DDX10: variants seen among roughly 807,000 people sequenced by gnomAD.
DDX10 encodes the protein probable ATP-dependent RNA helicase DDX10.
DDX10 carries 74 observed loss-of-function variants against 104.3 expected under a neutral mutation model. The ratio of observed to expected loss-of-function variants is 0.71; its 90% CI spans 0.59 to 0.86. The LOEUF is 0.86. DDX10 is among the 40% of genes least tolerant of loss of function. The pLI is 0.00. For synonymous variants in DDX10, 351 were observed against 353.4 expected, an observed-to-expected ratio of 0.99 and a Z score of 0.08; for missense variants, 952 against 1,040.0, an observed-to-expected ratio of 0.92 and a Z score of 1.16.
chr11:108,693,996 C>T (rs902652848), intron 9 of DDX10, among the ~76,000 whole-genome samples: 1 of 152,024 alleles, frequency 6.6e-6, no homozygotes, highest in Non-Finnish European at 1.5e-5. Flanking sequence ...TTTTTTCAGT[C>T]TAGTAACTGA....
At chr11:108,877,720 A>G (rs746288577) in intron 16 of DDX10, among the ~76,000 whole-genome samples, 37 of 152,310 alleles carry the variant, frequency 2.4e-4, no homozygotes, top group Middle Eastern at 6.8e-3. Flanking sequence ...AGACTTCACT[A>G]TGGGAATCCT....
chr11:108,910,040 C>T (rs185198820), intron 16 of DDX10, among the ~76,000 whole-genome samples: 25 of 145,744 alleles, frequency 1.7e-4, no homozygotes, highest in Middle Eastern at 3.6e-3. Flanking sequence ...AGAATACTTG[C>T]AGGAAGACGT....
intron 13 of DDX10, among the ~76,000 whole-genome samples, chr11:108,736,362 CTGTT>C (rs773468660): frequency 6.6e-6 from 1 of 152,104 alleles, no homozygotes; most frequent in Non-Finnish European, 1.5e-5. Context: ...TGGAAATACA[CTGTT>C]TGTCACTGAA....
intron 13 of DDX10, among the ~76,000 whole-genome samples, chr11:108,818,534 C>T (rs1862284634): frequency 6.6e-6 from 1 of 152,160 alleles, no homozygotes; most frequent in East Asian, 1.9e-4. Context: ...TTAGTCAACT[C>T]AACCTGTTTA....
intron 16 of DDX10, among the ~76,000 whole-genome samples, chr11:108,897,652 A>G (rs1863458833): frequency 1.3e-5 from 2 of 151,950 alleles, no homozygotes; most frequent in Admixed American, 6.6e-5. Context: ...TTGAACGTAC[A>G]AAGGATTTTA....
chr11:108,893,200 A>G (rs1176028943), intron 16 of DDX10, among the ~76,000 whole-genome samples: 3 of 152,158 alleles, frequency 2.0e-5, no homozygotes, highest in African/African-American at 4.8e-5. Context: ...GCTTCTTAAT[A>G]TAGTGATAGT....
intron 12 of DDX10, among the ~76,000 whole-genome samples, chr11:108,720,385 CA>C (rs1273589555): frequency 6.6e-6 from 1 of 152,150 alleles, no homozygotes. Flanking sequence ...TTACCATAGA[CA>C]TTTTATGCTT....
intron 16 of DDX10, among the ~76,000 whole-genome samples, chr11:108,890,930 C>T (rs1053837914): frequency 3.9e-5 from 6 of 152,122 alleles, no homozygotes; most frequent in South Asian, 2.1e-4. Context: ...TTCTGCTTCC[C>T]CTCCCAGCAG....
intron 16 of DDX10, among the ~76,000 whole-genome samples, chr11:108,893,607 T>TA (rs149756501): frequency 0.04 from 5,920 of 147,932 alleles, 419 homozygotes; most frequent in African/African-American, 0.13. Flanking sequence ...AAAATTACCT[T>TA]AAAAAAAAAA....
intron 13 of DDX10, among the ~76,000 whole-genome samples, chr11:108,831,439 A>AG (rs1486252362): frequency 6.6e-6 from 1 of 151,064 alleles, no homozygotes; most frequent in Admixed American, 6.6e-5. Flanking sequence ...AAAAAAAAAA[A>AG]AAAAAAGAAA....
At position 108,696,179 on chromosome 11, in the gene DDX10, C is replaced by T. The variant is rs375725270; in HGVS notation, c.1223+2579C>T. ...TTGAGTACATGGTTTTTGTTTTGTT[C>T]TGTTTTGTTTTTTTTGAGACAGAGT... On this transcript the variant is annotated intron_variant, in intron 9 of 17. Transcript: ENST00000322536. Among the ~76,000 whole-genome samples, 11 of 151,602 alleles carry T rather than the reference C, an allele frequency of 7.3e-5. No homozygotes were observed. In the East Asian group the frequency reaches 1.2e-3, roughly 16 times the overall value.
intron 13 of DDX10, among the ~76,000 whole-genome samples, chr11:108,745,077 CCCTTCCTTT>C (rs2094329889): frequency 1.2e-5 from 1 of 86,372 alleles, no homozygotes; most frequent in Admixed American, 1.3e-4. Context: ...CTTCCCCCTT[CCCTTCCTTT>C]CCTTCTTCCT....
rs534905579 is a variant in DDX10, at chr11:108,885,003, A to C, written c.2304+32794A>C. 6.6e-5 allele frequency among the ~76,000 whole-genome samples: 10 copies of C among 152,332 alleles called. No individual in the cohort carries two copies. The South Asian group carries it at 2.1e-3, about 32-fold the overall frequency. ...TGTGAAATTTAATGAAATTACCAAA[A>C]ACACGAATCAAGCTTTTTTGAGTCT... On this transcript the variant is annotated intron_variant, in intron 16 of 17. Coordinates refer to ENST00000322536, the MANE Select transcript of DDX10 (RefSeq NM_004398.4).
chr11:108,936,195 C>T (rs776962039), intron 17 of DDX10, among the ~76,000 whole-genome samples: 1 of 152,218 alleles, frequency 6.6e-6, no homozygotes. Flanking sequence ...ACTCTGTCAT[C>T]ATGTGTTCAG....
intron 16 of DDX10, among the ~76,000 whole-genome samples, chr11:108,900,896 A>G (rs1863508680): frequency 6.6e-6 from 1 of 152,160 alleles, no homozygotes; most frequent in Admixed American, 6.5e-5. Flanking sequence ...ATGTGCCTAC[A>G]CAGTTCATGT....
intron 13 of DDX10, among the ~76,000 whole-genome samples, chr11:108,726,509 G>A (rs1044554274): frequency 6.6e-6 from 1 of 152,022 alleles, no homozygotes; most frequent in Non-Finnish European, 1.5e-5. Flanking sequence ...TTTGTTGCCA[G>A]TATATAGAAA....
chr11:108,906,673 T>G (rs1036226078), intron 16 of DDX10, among the ~76,000 whole-genome samples: 4 of 152,226 alleles, frequency 2.6e-5, no homozygotes, highest in African/African-American at 9.6e-5. Flanking sequence ...TTCTTTTACT[T>G]AATATCTTAT....
At chr11:108,688,527 A>G (rs917863700) in intron 6 of DDX10, among the ~76,000 whole-genome samples, 2 of 152,196 alleles carry the variant, frequency 1.3e-5, no homozygotes, top group African/African-American at 4.8e-5. Context: ...CTTTTGGCAT[A>G]AAATTTGTGT....
chr11:108,762,412 A>G (rs2094351842), intron 13 of DDX10, among the ~76,000 whole-genome samples: 1 of 152,166 alleles, frequency 6.6e-6, no homozygotes, highest in Non-Finnish European at 1.5e-5. Context: ...TAATAAATAA[A>G]TCCTTTTCCA....
Sources: allele counts gnomAD v4.1 joint callset (sites outside exome capture counted in the v4.1 genomes callset), GRCh38; gene constraint gnomAD v4.1.1; transcripts MANE v1.5; gene names NCBI Gene and HGNC (gene_info 2026-07-23, HGNC 2026-07-21).